The following CD226 variants were observed in gnomAD, a reference collection of about 807,000 sequenced individuals.
The protein encoded by CD226 is CD226 antigen.
CD226 carries 24 observed loss-of-function variants against 34.9 expected under a neutral mutation model. The observed-to-expected ratio is 0.69, with a 90% confidence interval of 0.50 to 0.97. The LOEUF (loss-of-function observed/expected upper bound fraction) is 0.97. CD226 is among the 50% of genes least tolerant of loss of function. The pLI is 0.00. For synonymous variants in CD226, 148 were observed against 147.4 expected (o/e 1.00, Z -0.03); for missense variants, 397 against 412.7 (o/e 0.96, Z 0.33).
intron 2 of CD226, among the ~76,000 whole-genome samples, chr18:69,903,119 G>A (rs1433581239): frequency 6.6e-6 from 1 of 152,210 alleles, no homozygotes; most frequent in Non-Finnish European, 1.5e-5. Flanking sequence ...AGCTCATAGG[G>A]CATGCAGTGT....
chr18:69,957,828 G>A (rs1046510549), upstream of CD226, among the ~76,000 whole-genome samples: 6 of 152,150 alleles, frequency 3.9e-5, no homozygotes, highest in Non-Finnish European at 5.9e-5. Flanking sequence ...CCTGACTCTC[G>A]TCACTCCCTT....
At chr18:69,948,907 A>G (rs1402372167), upstream of CD226, among the ~76,000 whole-genome samples, 1 of 152,202 alleles carries the variant, frequency 6.6e-6, no homozygotes, top group African/African-American at 2.4e-5. Context: ...TTGTAGCAAA[A>G]CATGATCATC....
intron 2 of CD226, chr18:69,944,360 T>G (rs1038342282): frequency 5.3e-5 from 8 of 152,228 alleles, no homozygotes; most frequent in Admixed American, 1.3e-4. Context: ...TTGTATTTTT[T>G]TAAGCCCCAT....
In CD226 at chr18:69,862,110, T is replaced by C. The variant is rs1982861114; in HGVS notation, c.*2204A>G. 1 of 152,156 alleles carries C rather than the reference T, an allele frequency of 6.6e-6. No homozygotes were observed. Among genetic ancestry groups the C allele is most frequent in the South Asian group, 2.1e-4 (1 of 4,830 alleles). 9.4% of individuals were successfully genotyped at this position (152,156 alleles called of 1,614,324 possible). A position where few individuals can be genotyped will look rare whatever the true frequency, so the allele number is the denominator to read the frequency against. ...GCTTTGCAATACTGCAGTGGTTTGCTACAAAAGTCTTTCATGAAGTTCCCA... is the reference window on the plus strand; with the variant it reads ...GCTTTGCAATACTGCAGTGGTTTGCCACAAAAGTCTTTCATGAAGTTCCCA... On this transcript the variant is annotated 3_prime_UTR_variant, in exon 6 of 6. Coordinates refer to ENST00000582621, the MANE Select transcript of CD226 (RefSeq NM_001303618.2).
intron 2 of CD226, among the ~76,000 whole-genome samples, chr18:69,938,560 T>C (rs1477903456): frequency 6.6e-6 from 1 of 152,254 alleles, no homozygotes; most frequent in Non-Finnish European, 1.5e-5. Flanking sequence ...TACAATTTAA[T>C]ACACCTGAAA....
At position 69,860,692 on chromosome 18, in the gene CD226, ATATACT is replaced by A. The variant is rs1225697515; in HGVS notation, c.*3616_*3621del. 4 of 152,160 alleles carry A rather than the reference ATATACT, an allele frequency of 2.6e-5. No individual in the cohort carries two copies. Among genetic ancestry groups the A allele is most frequent in the African/African-American group, 4.8e-5 (2 of 41,442 alleles). The allele number at this position is 152,160 out of a possible 1,614,324, so 9.4% of individuals were successfully genotyped here. A position where few individuals can be genotyped will look rare whatever the true frequency, so the allele number is the denominator to read the frequency against. On this transcript the variant is annotated 3_prime_UTR_variant, in exon 6 of 6. Transcript: ENST00000582621. ...CTCTAATGAACAGATCAGTGAAAAA[ATATACT>A]TATACAGAAGTCTGAAGGTGGAGAT...
At chr18:69,874,604 C>G (rs548357015) in intron 3 of CD226, among the ~76,000 whole-genome samples, 17 of 152,158 alleles carry the variant, frequency 1.1e-4, no homozygotes, top group Non-Finnish European at 2.1e-4. Context: ...CCTATTGCAG[C>G]CTGAAAACCA....
At chr18:69,894,994 T>A (rs1232942969) in intron 3 of CD226, among the ~76,000 whole-genome samples, 1 of 151,848 alleles carries the variant, frequency 6.6e-6, no homozygotes, top group African/African-American at 2.4e-5. Context: ...TTGGAGGAGG[T>A]GGAAGCCCCA....
intron 1 of CD226, among the ~76,000 whole-genome samples, chr18:69,955,945 G>C (rs941628180): frequency 1.3e-5 from 2 of 149,660 alleles, no homozygotes; most frequent in Admixed American, 6.7e-5. Flanking sequence ...CTCATTAAGA[G>C]AACCTTTCCA....
chr18:69,884,755 T>C (rs935939199), intron 3 of CD226, among the ~76,000 whole-genome samples: 2 of 152,144 alleles, frequency 1.3e-5, no homozygotes, highest in Non-Finnish European at 2.9e-5. Flanking sequence ...TCATCCCCAA[T>C]TACCAGTTGA....
At chr18:69,943,073 T>C (rs1175988734) in intron 2 of CD226, among the ~76,000 whole-genome samples, 1 of 152,212 alleles carries the variant, frequency 6.6e-6, no homozygotes, top group Non-Finnish European at 1.5e-5. Context: ...CTTGATAACC[T>C]TGGACAAGTG....
At chr18:69,958,894 A>G (rs746527189), upstream of CD226, among the ~76,000 whole-genome samples, 2 of 151,680 alleles carry the variant, frequency 1.3e-5, no homozygotes, top group Admixed American at 6.6e-5. Context: ...TTATTTAGCT[A>G]TTGCTATTTT....
chr18:69,954,884 G>A (rs573857133), intron 1 of CD226, among the ~76,000 whole-genome samples: 95 of 152,244 alleles, frequency 6.2e-4, no homozygotes, highest in African/African-American at 2.0e-3. Flanking sequence ...TAGAGACAGC[G>A]CTTGAGCTAT....
intron 4 of CD226, among the ~76,000 whole-genome samples, chr18:69,871,845 A>C (rs926341290): frequency 1.3e-5 from 2 of 152,224 alleles, no homozygotes; most frequent in Non-Finnish European, 2.9e-5. Context: ...GAGTGGGAAG[A>C]TAACCAAAGA....
rs192759116 is a variant in CD226 at position 69,861,279 on chromosome 18, T to A, written c.*3035A>T. On this transcript the variant is annotated 3_prime_UTR_variant, in exon 6 of 6. Coordinates refer to ENST00000582621, the MANE Select transcript of CD226 (RefSeq NM_001303618.2). ...TGATTACAAGTAAATGAAATTTCTA[T>A]TTTATTTTCTCAACATATTATACCT... 3.2e-3 allele frequency: 479 copies of A among 150,376 alleles called. 6 individuals carry two copies. The highest frequency in any genetic ancestry group is 0.012 in the African/African-American group (463 of 40,176). 9.3% of individuals were successfully genotyped at this position (150,376 alleles called of 1,614,324 possible).
At chr18:69,924,358 C>CA in intron 2 of CD226, among the ~76,000 whole-genome samples, 1 of 152,020 alleles carries the variant, frequency 6.6e-6, no homozygotes, top group Middle Eastern at 3.4e-3. Flanking sequence ...TAGATATATA[C>CA]AATATGCACT....
chr18:69,946,247 AAAG>A (rs1200023702), intron 2 of CD226, among the ~76,000 whole-genome samples: 1 of 148,172 alleles, frequency 6.7e-6, no homozygotes, highest in African/African-American at 2.6e-5. Flanking sequence ...AAAGGAAAGA[AAAG>A]AAAGAAAGAG....
intron 2 of CD226, among the ~76,000 whole-genome samples, chr18:69,911,479 C>CA (rs2055323852): frequency 6.6e-6 from 1 of 152,198 alleles, no homozygotes; most frequent in Non-Finnish European, 1.5e-5. Context: ...GATATTGCTA[C>CA]AAACCACATA....
At chr18:69,879,559 A>AT (rs1984089229) in intron 3 of CD226, among the ~76,000 whole-genome samples, 3 of 151,578 alleles carry the variant, frequency 2.0e-5, no homozygotes, top group African/African-American at 7.3e-5. Context: ...TCTGAAAATC[A>AT]CAGTTATCCT....
Sources: gnomAD v4.1 joint callset for allele counts (sites outside exome capture counted in the v4.1 genomes callset) on GRCh38, gnomAD v4.1.1 for gene constraint, MANE v1.5 for transcripts, NCBI Gene and HGNC (gene_info 2026-07-23, HGNC 2026-07-21) for gene names.